UTP15: variants seen among roughly 807,000 people sequenced by gnomAD.
The protein encoded by UTP15 is U3 small nucleolar RNA-associated protein 15 homolog.
Under a neutral mutation model 59.1 loss-of-function variants are expected in UTP15, and 5 were observed. That is an observed-to-expected ratio of 0.08 (90% CI 0.04 to 0.18). The LOEUF is 0.18. UTP15 is among the 10% of genes least tolerant of loss of function. The pLI is 1.00. For synonymous variants in UTP15, 211 were observed against 212.2 expected (o/e 0.99, Z 0.05); for missense variants, 494 against 616.7 (o/e 0.80, Z 2.11).
At chr5:73,567,724 T>C in intron 2 of UTP15, 1 of 222,466 alleles carries the variant, frequency 4.5e-6, no homozygotes, top group Non-Finnish European at 8.7e-6. Flanking sequence ...AGATGTTTAT[T>C]GAAGTATTGC....
chr5:73,568,875 G>T (rs75949207), intron 4 of UTP15, among the ~76,000 whole-genome samples: 2 of 152,172 alleles, frequency 1.3e-5, no homozygotes, highest in Non-Finnish European at 2.9e-5. Flanking sequence ...CTTTAGTGGG[G>T]TCTGTGGCCC....
intron 4 of UTP15, 100 bp downstream of exon 4, chr5:73,568,704 G>A: frequency 8.6e-7 from 1 of 1,167,702 alleles, no homozygotes; most frequent in Non-Finnish European, 1.2e-6. Context: ...GTTTTATGGA[G>A]ATTATTTGCC....
rs758089173 is a variant in UTP15, at chr5:73,580,016, C to G, written c.1479C>G (p.Thr493=). ...TLGMMDMLFA[T]MRRKEGTSVL... ...GGATGATGGATATGCTTTTTGCCAC[C>G]ATGAGAAGGAAGGAAGGCACTTCTG... Residue 493 remains threonine, a synonymous_variant, in exon 13 of 13, where the codon ACC becomes ACG. Coordinates refer to ENST00000296792, the MANE Select transcript of UTP15 (RefSeq NM_032175.4). 2 of 1,613,640 alleles carry G rather than the reference C, an allele frequency of 1.2e-6. No individual in the cohort carries two copies. Among genetic ancestry groups the G allele is most frequent in the African/African-American group, 2.7e-5 (2 of 74,864 alleles).
intron 2 of UTP15, 116 bp from the exon 3 acceptor site, chr5:73,568,119 T>G: frequency 1.3e-6 from 1 of 749,432 alleles, no homozygotes; most frequent in Non-Finnish European, 2.0e-6. Flanking sequence ...TTATGTTAAA[T>G]ACAACTTAAG....
chr5:73,580,077 A>T lies in UTP15; in HGVS notation c.1540A>T (p.Lys514Ter), dbSNP rs770188370. ...CACATCTGATGGATTTCCAGAGAAT[A>T]AGAAGATAGAATCATAGTGTCTGCT... is the stretch of plus-strand genomic sequence containing the variant. ...EHTSDGFPENKKIES is the reference protein window; with the variant it reads ...EHTSDGFPEN The change falls in exon 13 of 13, where the codon AAG becomes TAG. Residue 514 changes from lysine to a stop codon, truncating the protein, a stop_gained. Transcript: ENST00000296792. LOFTEE classifies it high-confidence loss of function. 1 of 1,613,468 alleles carries T rather than the reference A, an allele frequency of 6.2e-7. No homozygotes were observed. The highest frequency in any genetic ancestry group is 1.1e-5 in the South Asian group (1 of 91,016).
rs1468973116 is a variant in UTP15, at chr5:73,565,922, G to A, written c.-84+10G>A. The stretch of plus-strand genomic sequence containing the variant: ...TTGGGGCTCAGTGGAGGTAGGTGAA[G>A]GCGGCTCCCATTGAGGGAAGCCCAC... On this transcript the variant is annotated intron_variant, in intron 1 of 12. Coordinates refer to ENST00000296792, the MANE Select transcript of UTP15 (RefSeq NM_032175.4). The A allele has an allele frequency of 4.4e-6, 2 of 455,846 alleles. No homozygotes were observed. The highest frequency in any genetic ancestry group is 8.8e-6 in the Non-Finnish European group (2 of 226,840). 28.2% of individuals were successfully genotyped at this position (455,846 alleles called of 1,614,324 possible). A position where few individuals can be genotyped will look rare whatever the true frequency, so the allele number is the denominator to read the frequency against.
chr5:73,579,353 C>T lies in UTP15; in HGVS notation c.1317C>T (p.Ile439=), dbSNP rs1748226452. The T allele has an allele frequency of 6.2e-7, 1 of 1,609,882 alleles. No individual in the cohort carries two copies. The highest frequency in any genetic ancestry group is 1.3e-5 in the African/African-American group (1 of 74,746). ...AGCCAAGATTTGCCCCTGTTTTAATCAATGCTGCTGAAATAATTATTGGTA... is the reference window on the plus strand; with the variant it reads ...AGCCAAGATTTGCCCCTGTTTTAATTAATGCTGCTGAAATAATTATTGGTA... ...LSQPRFAPVL[I]NAAEIIIDIY... The change falls in exon 12 of 13, where the codon ATC becomes ATT. Residue 439 remains isoleucine, a synonymous_variant. Transcript: ENST00000296792.
At chr5:73,571,684 C>T (rs1747936274) in intron 6 of UTP15, among the ~76,000 whole-genome samples, 1 of 151,804 alleles carries the variant, frequency 6.6e-6, no homozygotes, top group Non-Finnish European at 1.5e-5. Flanking sequence ...GCCTGTAATC[C>T]TAGCACTTTG....
intron 6 of UTP15, among the ~76,000 whole-genome samples, chr5:73,571,263 T>G (rs1005449324): frequency 2.0e-5 from 3 of 151,012 alleles, no homozygotes; most frequent in Non-Finnish European, 4.4e-5. Flanking sequence ...TTATTTGAGA[T>G]CTAGTAGGCT....
chr5:73,565,764 C>G lies in UTP15; in HGVS notation c.-232C>G, dbSNP rs2112032509. 2.2e-6 allele frequency: 1 copy of G among 456,214 alleles called. No homozygotes were observed. Among genetic ancestry groups the G allele is most frequent in the East Asian group, 7.0e-5 (1 of 14,374 alleles). The allele number at this position is 456,214 out of a possible 1,614,324, so 28.3% of individuals were successfully genotyped here. Reference sequence around the variant, plus strand: ...TGGTACGTCATCTTCGCGCGACGTTCGGTTCGCTGTGTGTGTCGCCGGCTC... The same window carrying G: ...TGGTACGTCATCTTCGCGCGACGTTGGGTTCGCTGTGTGTGTCGCCGGCTC... On this transcript the variant is annotated 5_prime_UTR_variant, in exon 1 of 13. Coordinates refer to ENST00000296792, the MANE Select transcript of UTP15 (RefSeq NM_032175.4).
intron 6 of UTP15, among the ~76,000 whole-genome samples, chr5:73,571,761 C>G (rs1455602622): frequency 6.6e-6 from 1 of 151,982 alleles, no homozygotes; most frequent in Non-Finnish European, 1.5e-5. Flanking sequence ...CATAGCAAGA[C>G]TCTAAGACTC....
rs984489364 is a variant in UTP15 at position 73,578,965 on chromosome 5, AT to A, written c.1147-44del. The A allele has an allele frequency of 6.2e-6, 10 of 1,601,194 alleles. No individual in the cohort carries two copies. In the African/African-American group the frequency reaches 6.7e-5, roughly 11 times the overall value. ...CTTGATAATTTAGTGCAAGACAGTG[AT>A]TTTTTTTGTGCTGTTTTGTCTACTC... is the stretch of plus-strand genomic sequence containing the variant. On this transcript the variant is annotated intron_variant, in intron 10 of 12. Transcript: ENST00000296792.
At chr5:73,569,311 C>T (rs895014715) in intron 4 of UTP15, among the ~76,000 whole-genome samples, 186 bp from the exon 5 acceptor site, 3 of 151,840 alleles carry the variant, frequency 2.0e-5, no homozygotes, top group African/African-American at 7.3e-5. Flanking sequence ...GGAGTATTTA[C>T]ACTTCTTAAT....
At chr5:73,579,492 G>A in intron 12 of UTP15, 117 bp downstream of exon 12, 1 of 793,622 alleles carries the variant, frequency 1.3e-6, no homozygotes, top group Non-Finnish European at 2.0e-6. Flanking sequence ...ATCTCAATAT[G>A]GATTTTCATG....
At position 73,583,069 on chromosome 5, in the gene UTP15, A is replaced by C. The variant is rs571091395; in HGVS notation, c.*2975A>C. 2.0e-5 allele frequency: 3 copies of C among 152,352 alleles called. No individual in the cohort carries two copies. The South Asian group carries it at 6.2e-4, about 32-fold the overall frequency. The allele number at this position is 152,352 out of a possible 1,614,324, so 9.4% of individuals were successfully genotyped here. A position where few individuals can be genotyped will look rare whatever the true frequency, so the allele number is the denominator to read the frequency against. ...AATTGTAAATGGGATTGTTAAAACA[A>C]ATTTAGTCTGTTCAACTCAATGAGG... is the stretch of plus-strand genomic sequence containing the variant. On this transcript the variant is annotated 3_prime_UTR_variant, in exon 13 of 13. Transcript: ENST00000296792.
chr5:73,574,886 C>T (rs781383711), intron 7 of UTP15, among the ~76,000 whole-genome samples: 9 of 152,140 alleles, frequency 5.9e-5, no homozygotes, highest in Non-Finnish European at 1.0e-4. Context: ...AGTATACAGT[C>T]ATCTCTTGGT....
intron 7 of UTP15, among the ~76,000 whole-genome samples, chr5:73,576,058 G>C (rs1250585184): frequency 6.7e-6 from 1 of 149,922 alleles, no homozygotes; most frequent in African/African-American, 2.5e-5. Flanking sequence ...TTGATCTTCA[G>C]ATGACAGTGG....
At chr5:73,574,634 C>T (rs979745815) in intron 7 of UTP15, among the ~76,000 whole-genome samples, 7 of 151,932 alleles carry the variant, frequency 4.6e-5, no homozygotes, top group East Asian at 1.9e-4. Flanking sequence ...ACCACCGGCA[C>T]GCGCCACTGT....
At chr5:73,579,238 G>A in intron 11 of UTP15, 79 bp from the exon 12 acceptor site, 3 of 1,596,964 alleles carry the variant, frequency 1.9e-6, no homozygotes, top group East Asian at 4.5e-5. Context: ...TCTTTGTAGA[G>A]AACTGATGAA....
Sources: allele counts gnomAD v4.1 joint callset (sites outside exome capture counted in the v4.1 genomes callset), GRCh38; gene constraint gnomAD v4.1.1; transcripts MANE v1.5; gene names NCBI Gene and HGNC (gene_info 2026-07-23, HGNC 2026-07-21).